Variants in PITPNB observed in about 807,000 individuals in gnomAD.
The protein encoded by PITPNB is phosphatidylinositol transfer protein beta.
PITPNB carries 16 observed loss-of-function variants against 45.9 expected under a neutral mutation model. The observed-to-expected ratio is 0.35, with a 90% CI of 0.24 to 0.53. PITPNB has a LOEUF of 0.53. PITPNB is among the 20% of genes least tolerant of loss of function. The probability of loss-of-function intolerance (pLI) is 0.93; values close to 1 mark genes in which losing one functional copy is unlikely to be tolerated. For synonymous variants in PITPNB, 112 were observed against 108.9 expected (o/e 1.03, Z -0.18); for missense variants, 188 against 330.5 (o/e 0.57, Z 3.34).
At chr22:27,886,352 A>G (rs1264640590) in intron 7 of PITPNB, among the ~76,000 whole-genome samples, 6 of 152,194 alleles carry the variant, frequency 3.9e-5, no homozygotes, top group Non-Finnish European at 7.3e-5. Flanking sequence ...CATCAACAAA[A>G]AGTCTTAATG....
At chr22:27,859,466 AG>A (rs35478627) in intron 9 of PITPNB, among the ~76,000 whole-genome samples, 1 of 152,260 alleles carries the variant, frequency 6.6e-6, no homozygotes, top group Admixed American at 6.5e-5. Flanking sequence ...TTCGCCCTAC[AG>A]GAAAAGTAAA....
intron 7 of PITPNB, among the ~76,000 whole-genome samples, chr22:27,889,883 A>G (rs1468473738): frequency 1.3e-5 from 2 of 152,256 alleles, no homozygotes; most frequent in Non-Finnish European, 2.9e-5. Flanking sequence ...TTCGAGTGAC[A>G]AAATTACCTA....
chr22:27,902,625 A>C (rs1371163494), intron 3 of PITPNB, among the ~76,000 whole-genome samples: 2 of 152,256 alleles, frequency 1.3e-5, no homozygotes, highest in African/African-American at 4.8e-5. Flanking sequence ...AATCTTTATG[A>C]TCTTGGATTG....
At chr22:27,884,564 C>T (rs143135144) in intron 7 of PITPNB, among the ~76,000 whole-genome samples, 1 of 152,298 alleles carries the variant, frequency 6.6e-6, no homozygotes, top group Admixed American at 6.5e-5. Flanking sequence ...GAACATCATC[C>T]TTGGTGATGC....
chr22:27,907,670 C>T (rs1935803739), intron 3 of PITPNB, among the ~76,000 whole-genome samples: 2 of 152,034 alleles, frequency 1.3e-5, no homozygotes, highest in African/African-American at 4.8e-5. Context: ...GGGAATCAAC[C>T]CTCGCCATCC....
intron 3 of PITPNB, among the ~76,000 whole-genome samples, chr22:27,899,190 C>A (rs1417330680): frequency 6.6e-6 from 1 of 152,096 alleles, no homozygotes; most frequent in Non-Finnish European, 1.5e-5. Context: ...ACAATGAGCT[C>A]AAAAAATGGT....
chr22:27,878,542 G>T (rs543456047), intron 7 of PITPNB, among the ~76,000 whole-genome samples: 42 of 152,108 alleles, frequency 2.8e-4, no homozygotes, highest in Admixed American at 1.3e-3. Context: ...AACCTTTCAG[G>T]TTCCCACAGA....
Position 27,853,341 on chromosome 22 carries a change from T to G in PITPNB, c.*361A>C. The G allele has an allele frequency of 2.5e-6, 1 of 397,614 alleles. No homozygotes were observed. Among genetic ancestry groups the G allele is most frequent in the Non-Finnish European group, 4.5e-6 (1 of 223,772 alleles). 24.6% of individuals were successfully genotyped at this position (397,614 alleles called of 1,614,324 possible). On this transcript the variant is annotated 3_prime_UTR_variant, in exon 12 of 12. Coordinates refer to ENST00000335272, the MANE Select transcript of PITPNB (RefSeq NM_012399.5). ...ATTATTAAAATCTGTTCCAGGTATA[T>G]ATATTGAAAATATTTTCTTTTGCAT...
intron 8 of PITPNB, among the ~76,000 whole-genome samples, chr22:27,865,800 G>A (rs753094988): frequency 6.6e-6 from 1 of 152,088 alleles, no homozygotes; most frequent in Non-Finnish European, 1.5e-5. Flanking sequence ...ACAAATCCCC[G>A]TGACATGTGT....
At chr22:27,919,061 G>C (rs766855141) in intron 1 of PITPNB, 111 bp downstream of exon 1, 1 of 1,550,536 alleles carries the variant, frequency 6.4e-7, no homozygotes. Flanking sequence ...CCCGCAGGGA[G>C]GGGCTGACAC....
intron 8 of PITPNB, among the ~76,000 whole-genome samples, chr22:27,862,390 G>A (rs1205837617): frequency 6.6e-6 from 1 of 152,106 alleles, no homozygotes; most frequent in Non-Finnish European, 1.5e-5. Flanking sequence ...GCGACTGAAT[G>A]TTCTATAGAG....
At chr22:27,907,988 G>A (rs34031771) in intron 3 of PITPNB, among the ~76,000 whole-genome samples, 5,799 of 151,758 alleles carry the variant, frequency 0.038, 158 homozygotes, top group Non-Finnish European at 0.051. Context: ...GTTGGCCACC[G>A]AGAGCCAAAA....
intron 3 of PITPNB, among the ~76,000 whole-genome samples, chr22:27,909,521 A>G (rs738454): frequency 0.15 from 23,248 of 152,156 alleles, 2,113 homozygotes; most frequent in Admixed American, 0.31. Context: ...CAAATGGTCA[A>G]TTAACATAAA....
chr22:27,861,304 A>G (rs1047276979), intron 8 of PITPNB, among the ~76,000 whole-genome samples: 2 of 152,110 alleles, frequency 1.3e-5, no homozygotes, highest in Non-Finnish European at 2.9e-5. Flanking sequence ...CCATCTCAAA[A>G]AATAATAATA....
At chr22:27,909,937 G>GC (rs1261015005) in intron 3 of PITPNB, among the ~76,000 whole-genome samples, 1 of 148,746 alleles carries the variant, frequency 6.7e-6, no homozygotes, top group Non-Finnish European at 1.5e-5. Flanking sequence ...ACACCACCAT[G>GC]CCCCACTAAT....
chr22:27,855,898 G>T (rs113973389), intron 10 of PITPNB, among the ~76,000 whole-genome samples: 1 of 152,200 alleles, frequency 6.6e-6, no homozygotes, highest in African/African-American at 2.4e-5. Context: ...AAATTTCTGC[G>T]TGTGAAGAGG....
chr22:27,864,436 C>T (rs1464219553), intron 8 of PITPNB, among the ~76,000 whole-genome samples: 1 of 152,178 alleles, frequency 6.6e-6, no homozygotes, highest in Non-Finnish European at 1.5e-5. Flanking sequence ...AAAAGCTGTT[C>T]ATATCCTACC....
chr22:27,899,603 G>A (rs547421505), intron 3 of PITPNB, among the ~76,000 whole-genome samples: 13 of 152,134 alleles, frequency 8.5e-5, no homozygotes, highest in African/African-American at 1.2e-4. Flanking sequence ...TATTACAGGC[G>A]TGAGCCACCG....
intron 10 of PITPNB, among the ~76,000 whole-genome samples, chr22:27,857,932 C>T (rs1934218895): frequency 6.6e-6 from 1 of 152,118 alleles, no homozygotes; most frequent in Non-Finnish European, 1.5e-5. Flanking sequence ...GAGGCATTTC[C>T]AGAATTAGTA....
Sources: allele counts gnomAD v4.1 joint callset (sites outside exome capture counted in the v4.1 genomes callset), GRCh38; gene constraint gnomAD v4.1.1; transcripts MANE v1.5; gene names NCBI Gene and HGNC (gene_info 2026-07-23, HGNC 2026-07-21).